The following ARNT variants were observed in gnomAD, a reference collection of about 807,000 sequenced individuals.
The protein encoded by ARNT is class E basic helix-loop-helix protein 2.
Under a neutral mutation model 105.0 loss-of-function variants are expected in ARNT, and 30 were observed. That is an observed-to-expected ratio of 0.29 (90% CI 0.21 to 0.39). The LOEUF is 0.39. ARNT is among the 10% of genes least tolerant of loss of function. ARNT has a pLI of 1.00. For missense variants in ARNT, 748 were observed against 978.7 expected, an observed-to-expected ratio of 0.76 and a Z score of 3.15; for synonymous variants, 304 against 344.0, an observed-to-expected ratio of 0.88 and a Z score of 1.29.
intron 3 of ARNT, among the ~76,000 whole-genome samples, chr1:150,851,893 C>A (rs1428211462): frequency 6.6e-6 from 1 of 151,598 alleles, no homozygotes; most frequent in African/African-American, 2.4e-5. Context: ...AATAAAAATA[C>A]AAAAATTAGC....
At chr1:150,831,690 T>C in intron 10 of ARNT, 128 bp downstream of exon 10, 1 of 628,492 alleles carries the variant, frequency 1.6e-6, no homozygotes. Flanking sequence ...CATTTTCTTT[T>C]CCTATTTTCT....
At chr1:150,856,445 A>C (rs1474084811) in intron 2 of ARNT, among the ~76,000 whole-genome samples, 1 of 151,690 alleles carries the variant, frequency 6.6e-6, no homozygotes, top group East Asian at 1.9e-4. Context: ...ATCTCAAAAA[A>C]ATAAAAAATA....
At chr1:150,817,336 C>T (rs372256938) in intron 16 of ARNT, 25 bp downstream of exon 16, 1 of 1,613,710 alleles carries the variant, frequency 6.2e-7, no homozygotes, top group African/African-American at 1.3e-5. Flanking sequence ...TCCCTACCCT[C>T]TTCAACGAAG....
In ARNT at chr1:150,836,282, G is replaced by C. The variant is rs775708945; in HGVS notation, c.698C>G (p.Thr233Arg). 2.5e-6 allele frequency: 4 copies of C among 1,613,996 alleles called. No homozygotes were observed. The highest frequency in any genetic ancestry group is 1.7e-5 in the Admixed American group (1 of 60,004). The change falls in exon 7 of 22, where the codon ACA becomes AGA. Residue 233 changes from threonine to arginine, a missense_variant and splice_region_variant. This residue lies in a region of ARNT where 291 missense variants were observed against 444.6 expected (regional missense o/e 0.65). Transcript: ENST00000358595. ...EQLSTSENAL[T>R]GRILDLKTGT... Reference sequence around the variant, plus strand: ...TTTCCCATACACATAACTCTCACCTGTCAGGGCATTTTCTGAAGTGGAAAG... The same window carrying C: ...TTTCCCATACACATAACTCTCACCTCTCAGGGCATTTTCTGAAGTGGAAAG...
At chr1:150,867,841 T>A (rs1666857552) in intron 1 of ARNT, among the ~76,000 whole-genome samples, 1 of 152,020 alleles carries the variant, frequency 6.6e-6, no homozygotes, top group African/African-American at 2.4e-5. Context: ...TCCCCTTCTC[T>A]CCCTCTATCC....
At chr1:150,847,549 C>T (rs1190780881) in intron 3 of ARNT, among the ~76,000 whole-genome samples, 8 of 151,576 alleles carry the variant, frequency 5.3e-5, no homozygotes, top group East Asian at 3.9e-4. Context: ...AAAGGACAAA[C>T]GAACCTCTCT....
intron 1 of ARNT, among the ~76,000 whole-genome samples, chr1:150,864,673 T>G: frequency 1.4e-5 from 2 of 145,982 alleles, no homozygotes; most frequent in South Asian, 2.2e-4. Context: ...GATGACCAGT[T>G]AGTGGGTGCA....
Position 150,836,285 on chromosome 1 carries a change from A to C in ARNT, c.695T>G (p.Leu232Arg), listed in dbSNP as rs1406883634. The change falls in exon 7 of 22, where the codon CTG becomes CGG. Residue 232 changes from leucine (L) to arginine (R), a missense_variant. Leu to Arg is a moderately radical substitution (Grantham distance 102). Around this residue, in one of 4 missense-constraint regions of ARNT, gnomAD observed 291 missense variants for 444.6 expected, o/e 0.65. Coordinates refer to ENST00000358595, the MANE Select transcript of ARNT (RefSeq NM_001668.4). Reference sequence around the variant, plus strand: ...CCCATACACATAACTCTCACCTGTCAGGGCATTTTCTGAAGTGGAAAGCTG... The same window carrying C: ...CCCATACACATAACTCTCACCTGTCCGGGCATTTTCTGAAGTGGAAAGCTG... The part of the protein sequence containing the change: ...REQLSTSENA[L>R]TGRILDLKTG... 1 of 1,614,118 alleles carries C rather than the reference A, an allele frequency of 6.2e-7. No individual in the cohort carries two copies. Among genetic ancestry groups the C allele is most frequent in the Non-Finnish European group, 8.5e-7 (1 of 1,179,942 alleles).
chr1:150,850,818 A>AT (rs1458608511), intron 3 of ARNT, among the ~76,000 whole-genome samples: 1 of 149,924 alleles, frequency 6.7e-6, no homozygotes, highest in Non-Finnish European at 1.5e-5. Flanking sequence ...CCCGGCCGCC[A>AT]TCCCGTCTAG....
At chr1:150,839,727 G>A in intron 5 of ARNT, 73 bp from the exon 6 acceptor site, 8 of 1,406,974 alleles carry the variant, frequency 5.7e-6, no homozygotes, top group Non-Finnish European at 4.9e-6. Flanking sequence ...GAGTGATATG[G>A]ATACCAAGTG....
intron 2 of ARNT, among the ~76,000 whole-genome samples, chr1:150,855,757 C>A (rs1664486811): frequency 6.6e-6 from 1 of 150,922 alleles, no homozygotes; most frequent in Admixed American, 6.6e-5. Flanking sequence ...AAAAAAATAG[C>A]CAGGTATGGT....
At chr1:150,844,599 G>A (rs1444102067) in intron 4 of ARNT, among the ~76,000 whole-genome samples, 1 of 151,786 alleles carries the variant, frequency 6.6e-6, no homozygotes, top group Non-Finnish European at 1.5e-5. Context: ...TTGAAATAAC[G>A]AATTATTCAT....
chr1:150,867,856 A>G (rs1400471814), intron 1 of ARNT, among the ~76,000 whole-genome samples: 1 of 152,106 alleles, frequency 6.6e-6, no homozygotes, highest in African/African-American at 2.4e-5. Flanking sequence ...CTATCCTGCC[A>G]GCCATGTGAA....
chr1:150,831,576 A>T (rs916899923), intron 10 of ARNT: 2 of 462,358 alleles, frequency 4.3e-6, no homozygotes, highest in Non-Finnish European at 7.6e-6. Context: ...TGTTCACATA[A>T]AAACCACATT....
chr1:150,824,211 A>AG (rs2101730910), intron 13 of ARNT, among the ~76,000 whole-genome samples: 1 of 151,634 alleles, frequency 6.6e-6, no homozygotes, highest in Admixed American at 6.6e-5. Flanking sequence ...AAAATGGCAA[A>AG]AAATCACAAT....
At chr1:150,845,837 G>A (rs1662103408) in intron 4 of ARNT, among the ~76,000 whole-genome samples, 1 of 152,196 alleles carries the variant, frequency 6.6e-6, no homozygotes, top group Non-Finnish European at 1.5e-5. Context: ...AGGAGGTGAA[G>A]GTTGCAGTGA....
At chr1:150,841,256 ATC>A (rs1056556524) in intron 5 of ARNT, among the ~76,000 whole-genome samples, 5 of 151,248 alleles carry the variant, frequency 3.3e-5, no homozygotes, top group Admixed American at 2.6e-4. Flanking sequence ...GGCCTGCTTT[ATC>A]TCTTTTATTT....
At chr1:150,830,317 G>C (rs1659139028) in intron 10 of ARNT, 1 of 195,496 alleles carries the variant, frequency 5.1e-6, no homozygotes. Context: ...CTGCACTCCA[G>C]CCTGGGCGAC....
intron 13 of ARNT, 144 bp from the exon 14 acceptor site, chr1:150,823,489 G>T: frequency 1.5e-6 from 1 of 662,254 alleles, no homozygotes; most frequent in Non-Finnish European, 2.4e-6. Flanking sequence ...AACAAAATGA[G>T]AGTAAAAACT....
Sources: allele counts gnomAD v4.1 joint callset (sites outside exome capture counted in the v4.1 genomes callset), GRCh38; gene constraint gnomAD v4.1.1; regional missense constraint gnomAD v4.1.1; transcripts MANE v1.5; gene names NCBI Gene and HGNC (gene_info 2026-07-23, HGNC 2026-07-21).